Variants in CYP2J2 observed in about 807,000 individuals in gnomAD.
CYP2J2 encodes cytochrome P450 family 2 subfamily J member 2, also known as cytochrome P450 2J2.
CYP2J2 carries 41 observed loss-of-function variants against 48.8 expected under a neutral mutation model. The observed-to-expected ratio is 0.84, with a 90% CI of 0.66 to 1.09. The LOEUF (loss-of-function observed/expected upper bound fraction) is 1.09. CYP2J2 is among the 50% of genes least tolerant of loss of function. The pLI is 0.00. For synonymous variants in CYP2J2, 221 were observed against 227.1 expected, an observed-to-expected ratio of 0.97 and a Z score of 0.24; for missense variants, 644 against 617.3, an observed-to-expected ratio of 1.04 and a Z score of -0.46.
At chr1:59,968,692 A>G in the CYP2J2 span, among the ~76,000 whole-genome samples, 4 of 152,178 alleles carry the variant, frequency 2.6e-5, no homozygotes, top group South Asian at 8.3e-4. Context: ...ACATGTGTAA[A>G]AGGCCCGAGG....
chr1:59,948,184 C>T, the CYP2J2 span, among the ~76,000 whole-genome samples: 1 of 152,172 alleles, frequency 6.6e-6, no homozygotes, highest in East Asian at 1.9e-4. Flanking sequence ...ATCAAAACCA[C>T]CTAATCTGGC....
chr1:59,966,808 G>C, the CYP2J2 span, among the ~76,000 whole-genome samples: 2 of 152,148 alleles, frequency 1.3e-5, no homozygotes, highest in Admixed American at 1.3e-4. Flanking sequence ...TGGCCAAGCA[G>C]AAAAGGTAAG....
intron 8 of CYP2J2, 140 bp from the exon 9 acceptor site, chr1:59,893,969 T>TATTTAAGTC: frequency 1.4e-6 from 1 of 728,036 alleles, no homozygotes; most frequent in Non-Finnish European, 2.2e-6. Flanking sequence ...GCCAGCAGCT[T>TATTTAAGTC]ATTTAAGTCT....
the CYP2J2 span, among the ~76,000 whole-genome samples, chr1:59,937,460 A>G: frequency 6.6e-6 from 1 of 151,438 alleles, no homozygotes; most frequent in Non-Finnish European, 1.5e-5. Flanking sequence ...TATTTAAGGG[A>G]GTAATTAGTG....
chr1:59,964,924 A>G, the CYP2J2 span, among the ~76,000 whole-genome samples: 4 of 152,220 alleles, frequency 2.6e-5, no homozygotes, highest in African/African-American at 9.6e-5. Context: ...GGGGCCAGTT[A>G]AGAGTCTATT....
chr1:59,968,057 G>A, the CYP2J2 span, among the ~76,000 whole-genome samples: 593 of 152,264 alleles, frequency 3.9e-3, no homozygotes, highest in Non-Finnish European at 6.7e-3. Flanking sequence ...TGAAAGTGAC[G>A]CAGGTAATTG....
intron 1 of CYP2J2, among the ~76,000 whole-genome samples, chr1:59,916,691 C>T (rs909726190): frequency 2.0e-5 from 3 of 152,140 alleles, no homozygotes; most frequent in Admixed American, 6.5e-5. Flanking sequence ...CATGATCGTG[C>T]CATGGCACTC....
chr1:59,918,540 A>G (rs1644485932), intron 1 of CYP2J2, among the ~76,000 whole-genome samples: 1 of 152,188 alleles, frequency 6.6e-6, no homozygotes, highest in Non-Finnish European at 1.5e-5. Context: ...GCGATGTCTA[A>G]CAATTCTTAC....
At chr1:59,911,119 C>T (rs1044407709) in intron 4 of CYP2J2, among the ~76,000 whole-genome samples, 4 of 152,054 alleles carry the variant, frequency 2.6e-5, no homozygotes, top group African/African-American at 4.8e-5. Context: ...AACAAATGTC[C>T]GTCAGTACAG....
the CYP2J2 span, among the ~76,000 whole-genome samples, chr1:59,955,170 T>TAAATA: frequency 2.0e-5 from 3 of 147,382 alleles, no homozygotes; most frequent in Admixed American, 6.8e-5. Flanking sequence ...AATAAATAAA[T>TAAATA]AATTAAAAAA....
chr1:59,941,121 C>T, the CYP2J2 span, among the ~76,000 whole-genome samples: 43 of 152,320 alleles, frequency 2.8e-4, no homozygotes, highest in South Asian at 1.5e-3. Flanking sequence ...TACTCTGTGA[C>T]AGATTGAACT....
At chr1:59,950,110 T>C in the CYP2J2 span, among the ~76,000 whole-genome samples, 3 of 152,114 alleles carry the variant, frequency 2.0e-5, no homozygotes, top group Non-Finnish European at 4.4e-5. Flanking sequence ...CTCGGTATTA[T>C]TAGCACTCCA....
At chr1:59,920,830 T>C (rs1644506158) in intron 1 of CYP2J2, among the ~76,000 whole-genome samples, 1 of 152,170 alleles carries the variant, frequency 6.6e-6, no homozygotes, top group Non-Finnish European at 1.5e-5. Flanking sequence ...AGTTTCCAAA[T>C]TTTATAGACT....
chr1:59,927,114 G>A (rs1389248177), upstream of CYP2J2, among the ~76,000 whole-genome samples: 4 of 152,040 alleles, frequency 2.6e-5, no homozygotes, highest in Admixed American at 2.0e-4. Context: ...CAGCACATCC[G>A]CCTCTTTACA....
At chr1:59,906,642 A>G (rs1489997527) in intron 6 of CYP2J2, among the ~76,000 whole-genome samples, 2 of 152,114 alleles carry the variant, frequency 1.3e-5, no homozygotes, top group African/African-American at 2.4e-5. Flanking sequence ...CTGAGGCTCT[A>G]TATCCCCTCC....
intron 8 of CYP2J2, among the ~76,000 whole-genome samples, chr1:59,900,234 C>T (rs977299941): frequency 6.6e-6 from 1 of 152,198 alleles, no homozygotes; most frequent in Non-Finnish European, 1.5e-5. Context: ...TAAGTTTCTC[C>T]TTCCCCTTGT....
intron 4 of CYP2J2, 33 bp from the exon 5 acceptor site, chr1:59,909,993 A>ATCT: frequency 6.6e-7 from 1 of 1,522,104 alleles, no homozygotes; most frequent in South Asian, 1.2e-5. Context: ...TCATGCAGAT[A>ATCT]ACATGGTGCC....
chr1:59,951,505 C>A, the CYP2J2 span, among the ~76,000 whole-genome samples: 1 of 152,164 alleles, frequency 6.6e-6, no homozygotes, highest in Non-Finnish European at 1.5e-5. Flanking sequence ...TATATGTGGT[C>A]CTTATCTTCC....
Position 59,926,714 on chromosome 1 carries a change from G to A in CYP2J2, c.33C>T (p.Ala11=). 3 of 1,612,920 alleles carry A rather than the reference G, an allele frequency of 1.9e-6. No individual in the cohort carries two copies. Among genetic ancestry groups the A allele is most frequent in the Non-Finnish European group, 2.5e-6 (3 of 1,179,416 alleles). Residue 11 remains alanine (A), a synonymous_variant, in exon 1 of 9, where the codon GCC becomes GCT. Coordinates refer to ENST00000371204, the MANE Select transcript of CYP2J2 (RefSeq NM_000775.4). Reference sequence around the variant, plus strand: ...TCCGAGGATGGACCACTGCCCAGAGGGCAGCCGCCAGAGAGCCCATCGCCG... The same window carrying A: ...TCCGAGGATGGACCACTGCCCAGAGAGCAGCCGCCAGAGAGCCCATCGCCG... MLAAMGSLAA[A]LWAVVHPRTL...
Sources: allele counts gnomAD v4.1 joint callset (sites outside exome capture counted in the v4.1 genomes callset), GRCh38; gene constraint gnomAD v4.1.1; transcripts MANE v1.5; gene names NCBI Gene and HGNC (gene_info 2026-07-23, HGNC 2026-07-21).